Variants in CUX1 observed in about 807,000 individuals in gnomAD.
CUX1 encodes protein CASP.
In CUX1, 31 loss-of-function variants were observed where a neutral mutation model predicts 158.8. The observed-to-expected ratio is 0.20, with a 90% CI of 0.15 to 0.26. CUX1 has a LOEUF of 0.26. CUX1 is among the 10% of genes least tolerant of loss of function. The pLI is 1.00. For synonymous variants in CUX1, 879 were observed against 862.1 expected, an observed-to-expected ratio of 1.02 and a Z score of -0.34; for missense variants, 1,589 against 2,014.6, an observed-to-expected ratio of 0.79 and a Z score of 4.04.
chr7:102,260,463 A>T (rs1447395929), downstream of CUX1, among the ~76,000 whole-genome samples: 1 of 49,352 alleles, frequency 2.0e-5, no homozygotes, highest in Admixed American at 2.3e-4. Context: ...CTGGAGTGCA[A>T]TGGTACAATC....
In CUX1 at chr7:102,278,075, C is replaced by T. The variant is rs1554548171; in HGVS notation, c.1680+10C>T. On this transcript the variant is annotated intron_variant, in intron 18 of 22. Coordinates refer to the CUX1 transcript ENST00000292538. ...GAGCTACCCTGGCCGGGTGAGGGCC[C>T]TCCCCTGGCCTCAGCTCCAGGTGGA... is the stretch of plus-strand genomic sequence containing the variant. 1.9e-6 allele frequency: 3 copies of T among 1,581,126 alleles called. No homozygotes were observed. In the Admixed American group the frequency reaches 5.1e-5, roughly 27 times the overall value.
At chr7:102,050,684 TTTATTATTA>T (rs149429897) in intron 3 of CUX1, among the ~76,000 whole-genome samples, 2 of 147,536 alleles carry the variant, frequency 1.4e-5, no homozygotes, top group African/African-American at 2.5e-5. Flanking sequence ...GTGAATTCTT[TTTATTATTA>T]TTATTATTAT....
chr7:102,107,713 G>A (rs561753886), intron 6 of CUX1, among the ~76,000 whole-genome samples: 1 of 152,342 alleles, frequency 6.6e-6, no homozygotes, highest in South Asian at 2.1e-4. Context: ...GGTCGTGGGT[G>A]AGGTACCTCC....
rs369229075 is a variant in CUX1, at chr7:102,201,775, C to T, written c.2478C>T (p.Ser826=). ...GTGCCTGGAAGGACCACTGGTGGAG[C>T]GCGGTGCAGCCGGAGAGAAGAAATG... is the stretch of plus-strand genomic sequence containing the variant. ...RSGAWKDHWW[S]AVQPERRNAA... The change falls in exon 18 of 24, where the codon AGC becomes AGT. Residue 826 remains serine (S), a synonymous_variant. Transcript: ENST00000292535. The surrounding 1 kb of genome is among the most constrained non-coding windows in gnomAD (Gnocchi z 5.0). 10 of 1,612,474 alleles carry T rather than the reference C, an allele frequency of 6.2e-6. No individual in the cohort carries two copies. Among genetic ancestry groups the T allele is most frequent in the East Asian group, 2.2e-5 (1 of 44,884 alleles).
chr7:101,985,815 TGTG>T (rs1334023880), intron 2 of CUX1, among the ~76,000 whole-genome samples: 1 of 152,234 alleles, frequency 6.6e-6, no homozygotes, highest in Non-Finnish European at 1.5e-5. Context: ...AGCAGATTGA[TGTG>T]GTGTGATTCT....
At chr7:102,238,338 C>G (rs192439479) in intron 22 of CUX1, among the ~76,000 whole-genome samples, 1 of 152,324 alleles carries the variant, frequency 6.6e-6, no homozygotes, top group Admixed American at 6.5e-5. Flanking sequence ...ACCTCTAGAC[C>G]AAGGAGTCCT....
chr7:102,235,945 C>A (rs1554532642), intron 22 of CUX1, among the ~76,000 whole-genome samples: 1 of 152,070 alleles, frequency 6.6e-6, no homozygotes, highest in African/African-American at 2.4e-5. Context: ...GTGCCTCCTC[C>A]AGGAACCCTA....
intron 20 of CUX1, among the ~76,000 whole-genome samples, chr7:102,220,186 T>C (rs1554526413): frequency 6.6e-6 from 1 of 151,744 alleles, no homozygotes; most frequent in Non-Finnish European, 1.5e-5. Flanking sequence ...CATGGCGAAA[T>C]CCCATCTCTA....
At chr7:102,062,577 C>A (rs1825015730) in intron 3 of CUX1, among the ~76,000 whole-genome samples, 1 of 152,156 alleles carries the variant, frequency 6.6e-6, no homozygotes, top group South Asian at 2.1e-4. Flanking sequence ...GTGGTGCAAT[C>A]ATAGCTCATT....
intron 11 of CUX1, among the ~76,000 whole-genome samples, chr7:102,186,449 A>G (rs1335626228): frequency 2.0e-5 from 3 of 152,148 alleles, no homozygotes; most frequent in African/African-American, 7.2e-5. Flanking sequence ...TTTAGCTCTC[A>G]GCAAAACTCA....
intron 1 of CUX1, among the ~76,000 whole-genome samples, chr7:101,837,980 C>T (rs1364654370): frequency 2.6e-5 from 4 of 151,828 alleles, no homozygotes; most frequent in Non-Finnish European, 4.4e-5. Flanking sequence ...ATTTTCAGCC[C>T]CCTTTCCTCA....
intron 1 of CUX1, among the ~76,000 whole-genome samples, chr7:101,848,181 G>GGTGTGTAT (rs1459643297): frequency 6.6e-6 from 1 of 152,078 alleles, no homozygotes; most frequent in African/African-American, 2.4e-5. Context: ...CAGGTCACTG[G>GGTGTGTAT]GTGTGTATTG....
intron 1 of CUX1, among the ~76,000 whole-genome samples, chr7:101,821,245 A>T (rs1443015398): frequency 6.8e-6 from 1 of 147,022 alleles, no homozygotes; most frequent in Admixed American, 7.0e-5. Context: ...GAGAGAAGAT[A>T]CTCCCCCCCG....
intron 2 of CUX1, among the ~76,000 whole-genome samples, chr7:101,935,957 T>C (rs777104008): frequency 6.6e-6 from 1 of 152,176 alleles, no homozygotes; most frequent in Non-Finnish European, 1.5e-5. Flanking sequence ...TAGAGGACTC[T>C]GCGAGAAACA....
intron 1 of CUX1, among the ~76,000 whole-genome samples, chr7:101,837,956 T>C (rs1794813684): frequency 6.6e-6 from 1 of 151,950 alleles, no homozygotes; most frequent in Non-Finnish European, 1.5e-5. Context: ...TGCCTGCCTT[T>C]ATGGTCCGTT....
intron 3 of CUX1, among the ~76,000 whole-genome samples, chr7:102,030,881 T>C (rs1259497071): frequency 1.3e-5 from 2 of 151,888 alleles, no homozygotes; most frequent in African/African-American, 4.8e-5. Flanking sequence ...TTTTTATTTT[T>C]AGTAGAGACG....
At chr7:102,277,930 C>A in intron 17 of CUX1, 11 of 1,145,514 alleles carry the variant, frequency 9.6e-6, no homozygotes, top group South Asian at 1.4e-5. Context: ...CACCCCTTTC[C>A]TTGCCCCTCC....
intron 2 of CUX1, among the ~76,000 whole-genome samples, chr7:102,016,866 G>A (rs1173495319): frequency 2.6e-5 from 4 of 152,202 alleles, no homozygotes; most frequent in Non-Finnish European, 5.9e-5. Context: ...ATATTAGCAG[G>A]GCCTAAGATC....
chr7:102,112,618 G>T (rs1373894695), intron 7 of CUX1, among the ~76,000 whole-genome samples: 2 of 151,506 alleles, frequency 1.3e-5, no homozygotes, highest in African/African-American at 4.8e-5. Context: ...CACCCAGGCT[G>T]GGGTGCAGTG....
Sources: gnomAD v4.1 joint callset for allele counts (sites outside exome capture counted in the v4.1 genomes callset) on GRCh38, gnomAD v4.1.1 for gene constraint, Gnocchi (gnomAD v3.1) non-coding constraint, MANE v1.5 for transcripts, NCBI Gene and HGNC (gene_info 2026-07-23, HGNC 2026-07-21) for gene names.